Variants in ROBO1 observed in about 807,000 individuals in gnomAD.
ROBO1 encodes the protein roundabout homolog 1.
Under a neutral mutation model 195.9 loss-of-function variants are expected in ROBO1, and 149 were observed. The ratio of observed to expected loss-of-function variants is 0.76; its 90% CI spans 0.67 to 0.87. ROBO1 has a LOEUF of 0.87. Ranked by LOEUF, ROBO1 falls within the 40% of genes least tolerant of loss-of-function variation. The pLI is 0.00. For missense variants in ROBO1, 1,933 were observed against 2,068.3 expected (o/e 0.93, Z 1.27); for synonymous variants, 816 against 733.2 (o/e 1.11, Z -1.82).
Position 79,247,719 on chromosome 3 carries a change from A to G in ROBO1, c.89-122180T>C, listed in dbSNP as rs75548429. Among the ~76,000 whole-genome samples, 689 of 152,224 alleles carry G rather than the reference A, an allele frequency of 4.5e-3. 3 individuals carry two copies. The highest frequency in any genetic ancestry group is 0.014 in the African/African-American group (574 of 41,558). On this transcript the variant is annotated intron_variant, in intron 2 of 30. Coordinates refer to ENST00000464233, the MANE Select transcript of ROBO1 (RefSeq NM_002941.4). ...ACTTTGTGCTACAACGCTCACAGGCACTTTGGAACTTCTCTGAGCTGTAAG... is the reference window on the plus strand; with the variant it reads ...ACTTTGTGCTACAACGCTCACAGGCGCTTTGGAACTTCTCTGAGCTGTAAG...
At chr3:79,014,883 C>T (rs1298550922) in intron 3 of ROBO1, among the ~76,000 whole-genome samples, 5 of 152,152 alleles carry the variant, frequency 3.3e-5, no homozygotes, top group Non-Finnish European at 7.3e-5. Flanking sequence ...AAAGATTCAA[C>T]CACTTATAGT....
chr3:79,407,237 T>C (rs985052279), intron 2 of ROBO1, among the ~76,000 whole-genome samples: 1 of 152,146 alleles, frequency 6.6e-6, no homozygotes, highest in African/African-American at 2.4e-5. Context: ...CATCAACACA[T>C]ATCTTAAAAT....
chr3:79,072,084 ATCTT>A (rs1385560032), intron 3 of ROBO1, among the ~76,000 whole-genome samples: 4 of 151,868 alleles, frequency 2.6e-5, no homozygotes, highest in African/African-American at 9.7e-5. Context: ...AATAAATTAA[ATCTT>A]TCTATTTAAT....
At chr3:79,167,275 A>T (rs1360514706) in intron 2 of ROBO1, among the ~76,000 whole-genome samples, 2 of 151,956 alleles carry the variant, frequency 1.3e-5, no homozygotes, top group Non-Finnish European at 2.9e-5. Context: ...TTTTTTGTTT[A>T]CTCTTCACTA....
intron 2 of ROBO1, among the ~76,000 whole-genome samples, chr3:79,249,582 A>G (rs987946806): frequency 2.6e-5 from 4 of 152,208 alleles, no homozygotes; most frequent in Admixed American, 2.0e-4. Context: ...ATCTTGCTAC[A>G]ACAGGGAAAA....
intron 2 of ROBO1, among the ~76,000 whole-genome samples, chr3:79,407,689 A>C (rs1166881327): frequency 6.6e-6 from 1 of 152,106 alleles, no homozygotes; most frequent in Non-Finnish European, 1.5e-5. Context: ...TTTGTTTAGA[A>C]AAGATAGAAG....
chr3:79,032,016 C>T (rs1030390237), intron 3 of ROBO1, among the ~76,000 whole-genome samples: 7 of 151,380 alleles, frequency 4.6e-5, no homozygotes, highest in Non-Finnish European at 1.0e-4. Flanking sequence ...GGTATGAAGC[C>T]AAAAAAATGA....
At chr3:79,568,911 T>C (rs933247330) in intron 2 of ROBO1, among the ~76,000 whole-genome samples, 3 of 152,222 alleles carry the variant, frequency 2.0e-5, no homozygotes, top group Non-Finnish European at 4.4e-5. Flanking sequence ...AATCTACATA[T>C]AATTTTGTTA....
chr3:79,097,093 T>C (rs2079584401), intron 3 of ROBO1, among the ~76,000 whole-genome samples: 1 of 151,820 alleles, frequency 6.6e-6, no homozygotes, highest in Non-Finnish European at 1.5e-5. Flanking sequence ...AGCTGAAATA[T>C]GGATGTAAAT....
At chr3:79,016,307 T>C (rs542585972) in intron 3 of ROBO1, among the ~76,000 whole-genome samples, 34 of 152,288 alleles carry the variant, frequency 2.2e-4, no homozygotes, top group Admixed American at 6.5e-4. Context: ...TCAGGTTATG[T>C]ATGAGGGAGC....
chr3:78,677,240 C>G (rs1336625620), intron 10 of ROBO1, among the ~76,000 whole-genome samples: 1 of 152,178 alleles, frequency 6.6e-6, no homozygotes, highest in East Asian at 1.9e-4. Flanking sequence ...TAAAGACCAT[C>G]AAGGCTAGGA....
intron 2 of ROBO1, among the ~76,000 whole-genome samples, chr3:79,354,916 C>T (rs1227221349): frequency 3.3e-5 from 5 of 152,046 alleles, no homozygotes; most frequent in African/African-American, 9.7e-5. Context: ...GCCTGTAATC[C>T]CAACACTTTG....
At chr3:79,637,482 C>A (rs1240650147) in intron 1 of ROBO1, among the ~76,000 whole-genome samples, 2 of 150,418 alleles carry the variant, frequency 1.3e-5, no homozygotes, top group Non-Finnish European at 2.9e-5. Context: ...AAAAAAAAGT[C>A]TCTGAAGACT....
chr3:79,185,411 G>C (rs1167259802), intron 2 of ROBO1, among the ~76,000 whole-genome samples: 1 of 152,126 alleles, frequency 6.6e-6, no homozygotes, highest in African/African-American at 2.4e-5. Context: ...TTACTTACAA[G>C]TGTTTCCCTA....
chr3:78,659,917 GCTT>G, intron 16 of ROBO1, 110 bp from the exon 17 acceptor site: 14 of 542,652 alleles, frequency 2.6e-5, no homozygotes, highest in African/African-American at 1.6e-4. Flanking sequence ...ATCAATATAT[GCTT>G]TTTTTTTTTT....
At chr3:79,340,851 C>T (rs1203240742) in intron 2 of ROBO1, among the ~76,000 whole-genome samples, 3 of 152,052 alleles carry the variant, frequency 2.0e-5, no homozygotes, top group South Asian at 4.1e-4. Context: ...CTAGCCTGAA[C>T]CTGGTATTTC....
chr3:79,620,425 G>C (rs1336154378), intron 1 of ROBO1, among the ~76,000 whole-genome samples: 1 of 152,044 alleles, frequency 6.6e-6, no homozygotes, highest in African/African-American at 2.4e-5. Flanking sequence ...TCTTTTCAAG[G>C]GCCCCTTTCC....
rs869163938 is a variant in ROBO1 at position 78,672,258 on chromosome 3, AAC to A, written c.1343-1959_1343-1958del. 3.9e-4 allele frequency among the ~76,000 whole-genome samples: 59 copies of A among 151,932 alleles called. 1 individual carries two copies. The highest frequency in any genetic ancestry group is 2.3e-3 in the Admixed American group (35 of 15,226). Reference sequence around the variant, plus strand: ...CCTCTTTGGTAAAAACAACAACAACAACAAAAAAAACTATTATGTAAATCAGA... The same window carrying A: ...CCTCTTTGGTAAAAACAACAACAACAAAAAAAAACTATTATGTAAATCAGA... On this transcript the variant is annotated intron_variant, in intron 10 of 30. Transcript: ENST00000464233.
chr3:78,843,236 ATGTTT>A (rs1227248965), intron 4 of ROBO1, among the ~76,000 whole-genome samples: 1 of 152,096 alleles, frequency 6.6e-6, no homozygotes. Context: ...AACTATGTGA[ATGTTT>A]TAACTATTTA....
Sources: gnomAD v4.1 joint callset for allele counts (sites outside exome capture counted in the v4.1 genomes callset) on GRCh38, gnomAD v4.1.1 for gene constraint, MANE v1.5 for transcripts, NCBI Gene and HGNC (gene_info 2026-07-23, HGNC 2026-07-21) for gene names.